The following CPLX2 variants were observed in gnomAD, a reference collection of about 807,000 sequenced individuals.
CPLX2 encodes complexin 2, also known as complexin-2.
Under a neutral mutation model 16.3 loss-of-function variants are expected in CPLX2, and 5 were observed. The ratio of observed to expected loss-of-function variants is 0.31; its 90% confidence interval spans 0.16 to 0.64. CPLX2 has a LOEUF of 0.64. Among genes scored for constraint, CPLX2 ranks in the 30% least tolerant of loss-of-function variants. The pLI is 0.79. For missense variants in CPLX2, 144 were observed against 181.4 expected (o/e 0.79, Z 1.18); for synonymous variants, 89 against 73.2 (o/e 1.22, Z -1.10).
intron 2 of CPLX2, among the ~76,000 whole-genome samples, chr5:175,833,691 A>C (rs1427495941): frequency 6.6e-6 from 1 of 152,176 alleles, no homozygotes; most frequent in Non-Finnish European, 1.5e-5. Flanking sequence ...TTTAGCAGTT[A>C]GGATCTGGGG....
Position 175,880,166 on chromosome 5 carries a change from T to A in CPLX2, c.*121T>A. The A allele has an allele frequency of 9.2e-7, 1 of 1,085,704 alleles. No homozygotes were observed. The highest frequency in any genetic ancestry group is 1.4e-6 in the Non-Finnish European group (1 of 722,566). The allele number at this position is 1,085,704 out of a possible 1,614,324, so 67.3% of individuals were successfully genotyped here. On this transcript the variant is annotated 3_prime_UTR_variant, in exon 4 of 4. Coordinates refer to ENST00000393745, the MANE Select transcript of CPLX2 (RefSeq NM_001008220.2). ...AACCTCAGTTGGCCTCTGCCCCTCT[T>A]CCCTGGCCAGGGGCTTCTCCCCCTC...
At chr5:175,835,416 T>C (rs892620340) in intron 2 of CPLX2, among the ~76,000 whole-genome samples, 2 of 152,174 alleles carry the variant, frequency 1.3e-5, no homozygotes, top group Non-Finnish European at 2.9e-5. Flanking sequence ...ACACAAAATA[T>C]TTCTAGAAAA....
chr5:175,858,622 G>A (rs931967748), intron 2 of CPLX2, among the ~76,000 whole-genome samples: 1 of 152,220 alleles, frequency 6.6e-6, no homozygotes, highest in Admixed American at 6.5e-5. Context: ...AGCAGGAAAT[G>A]TACACAATAT....
intron 2 of CPLX2, among the ~76,000 whole-genome samples, chr5:175,819,291 C>T (rs1468491230): frequency 2.0e-5 from 3 of 152,124 alleles, no homozygotes; most frequent in Non-Finnish European, 2.9e-5. Context: ...ACACGAGATG[C>T]GGGTTCAGCT....
chr5:175,874,336 A>AC (rs1486052376), intron 1 of CPLX2, among the ~76,000 whole-genome samples: 1 of 152,006 alleles, frequency 6.6e-6, no homozygotes, highest in East Asian at 1.9e-4. Context: ...CTCCCTCGGC[A>AC]CCCCCATCCC....
chr5:175,805,432 T>C (rs1336071804), intron 1 of CPLX2: 1 of 152,224 alleles, frequency 6.6e-6, no homozygotes, highest in Non-Finnish European at 1.5e-5. Context: ...GAGATCCCTT[T>C]TTGTTTTGCA....
intron 2 of CPLX2, among the ~76,000 whole-genome samples, chr5:175,831,100 C>CTGTGTG (rs59852410): frequency 6.6e-6 from 1 of 150,568 alleles, no homozygotes; most frequent in African/African-American, 2.4e-5. Flanking sequence ...CAGCTTGCCT[C>CTGTGTG]TGTGTGTGTG....
intron 2 of CPLX2, among the ~76,000 whole-genome samples, chr5:175,828,852 G>A (rs904037431): frequency 6.6e-6 from 1 of 152,218 alleles, no homozygotes; most frequent in African/African-American, 2.4e-5. Context: ...ACCCACAGGT[G>A]TGAGGCAGCT....
At chr5:175,841,636 GCAGGGA>G (rs1561780529) in intron 2 of CPLX2, among the ~76,000 whole-genome samples, 2 of 152,160 alleles carry the variant, frequency 1.3e-5, no homozygotes, top group Non-Finnish European at 2.9e-5. Context: ...TCCCTTACCA[GCAGGGA>G]CACATGAGTG....
intron 2 of CPLX2, among the ~76,000 whole-genome samples, chr5:175,829,898 G>A (rs898187775): frequency 3.9e-5 from 6 of 152,180 alleles, no homozygotes; most frequent in Admixed American, 3.3e-4. Flanking sequence ...GGGGTAAGCT[G>A]ATGACACACT....
At position 175,830,945 on chromosome 5, in the gene CPLX2, TCA is replaced by T. The variant is rs1430607899; in HGVS notation, c.-89+21882_-89+21883del. ...AAGGGAAACGTGCGTGTGTTCGTGC[TCA>T]CACAGTTGTGTCAGTGCGATTGTGA... On this transcript the variant is annotated intron_variant, in intron 2 of 4. Coordinates refer to the CPLX2 transcript ENST00000359546. This position sits in a 1 kb window ranked among gnomAD's most constrained non-coding sequence, Gnocchi z 4.0. Among the ~76,000 whole-genome samples the T allele has an allele frequency of 6.6e-6, 1 of 152,184 alleles. No homozygotes were observed. Among genetic ancestry groups the T allele is most frequent in the East Asian group, 1.9e-4 (1 of 5,192 alleles).
intron 2 of CPLX2, among the ~76,000 whole-genome samples, chr5:175,825,222 T>C (rs1012181265): frequency 6.6e-6 from 1 of 151,922 alleles, no homozygotes. Flanking sequence ...TGGTAAACCC[T>C]GTCTCTACTA....
At chr5:175,868,689 G>A (rs533581377), upstream of CPLX2, among the ~76,000 whole-genome samples, 18 of 151,930 alleles carry the variant, frequency 1.2e-4, no homozygotes, top group African/African-American at 2.2e-4. Context: ...GTGTGAATTC[G>A]TGGCAGGTTT....
At chr5:175,861,699 G>A (rs182024668) in intron 2 of CPLX2, 1 of 152,456 alleles carries the variant, frequency 6.6e-6, no homozygotes, top group East Asian at 1.9e-4. Flanking sequence ...CTGGACCCAG[G>A]TGGGGACAGA....
At position 175,872,545 on chromosome 5, in the gene CPLX2, G is replaced by A. The variant is rs899262063; in HGVS notation, c.-89+840G>A. Among the ~76,000 whole-genome samples the A allele has an allele frequency of 2.0e-5, 3 of 151,974 alleles. No individual in the cohort carries two copies. Among genetic ancestry groups the A allele is most frequent in the Non-Finnish European group, 4.4e-5 (3 of 67,960 alleles). The stretch of plus-strand genomic sequence containing the variant: ...TGGGTCTCCGCGGGGGTCCGGGAGA[G>A]GGGCGCCGGGGTTCCTGTCCTCTCT... On this transcript the variant is annotated intron_variant, in intron 1 of 3. Coordinates refer to ENST00000393745, the MANE Select transcript of CPLX2 (RefSeq NM_001008220.2). The surrounding 1 kb of genome is among the most constrained non-coding windows in gnomAD (Gnocchi z 5.0).
rs555317396 is a variant in CPLX2 at position 175,882,425 on chromosome 5, G to T, written c.*2380G>T. 1 of 152,798 alleles carries T rather than the reference G, an allele frequency of 6.5e-6. No homozygotes were observed. The highest frequency in any genetic ancestry group is 2.1e-4 in the South Asian group (1 of 4,828). 9.5% of individuals were successfully genotyped at this position (152,798 alleles called of 1,614,324 possible). On this transcript the variant is annotated 3_prime_UTR_variant, in exon 4 of 4. Transcript: ENST00000393745. ...CCTTCAAACCTCGACAGTGATGCAA[G>T]GACACAGAGAGTACCAGATAGGTAG...
At position 175,809,131 on chromosome 5, in the gene CPLX2, G is replaced by A. The variant is rs1406802883; in HGVS notation, c.-89+63G>A. On this transcript the variant is annotated intron_variant, in intron 2 of 4. Coordinates refer to the CPLX2 transcript ENST00000359546. The surrounding 1 kb of genome is among the most constrained non-coding windows in gnomAD (Gnocchi z 4.4). ...TTCAGGGCATCCCCTCATCCCTGGA[G>A]CCCTGATGAAGGGGGCACGTCTTCC... 2 of 152,420 alleles carry A rather than the reference G, an allele frequency of 1.3e-5. No individual in the cohort carries two copies. The highest frequency in any genetic ancestry group is 3.9e-4 in the East Asian group (2 of 5,174). 9.4% of individuals were successfully genotyped at this position (152,420 alleles called of 1,614,324 possible).
At chr5:175,799,544 A>ATT (rs1758050102) in intron 1 of CPLX2, among the ~76,000 whole-genome samples, 2 of 94,482 alleles carry the variant, frequency 2.1e-5, no homozygotes, top group Admixed American at 1.1e-4. Context: ...AATTTCATAT[A>ATT]TATATATATA....
chr5:175,840,202 TG>T (rs1023917332), intron 2 of CPLX2, among the ~76,000 whole-genome samples: 4 of 152,158 alleles, frequency 2.6e-5, no homozygotes, highest in South Asian at 2.1e-4. Context: ...ATAAAACATA[TG>T]TTTTTTTTTC....
Sources: allele counts gnomAD v4.1 joint callset (sites outside exome capture counted in the v4.1 genomes callset), GRCh38; gene constraint gnomAD v4.1.1; non-coding constraint Gnocchi (gnomAD v3.1); transcripts MANE v1.5; gene names NCBI Gene and HGNC (gene_info 2026-07-23, HGNC 2026-07-21).